ZFAND6: variants seen among roughly 807,000 people sequenced by gnomAD.
ZFAND6 encodes the protein zinc finger AN1-type containing 6.
ZFAND6 carries 12 observed loss-of-function variants against 24.5 expected under a neutral mutation model. The ratio of observed to expected loss-of-function variants is 0.49; its 90% CI spans 0.31 to 0.79. The LOEUF is 0.79. Ranked by LOEUF, ZFAND6 falls within the 30% of genes least tolerant of loss-of-function variation. The pLI is 0.04. For synonymous variants in ZFAND6, 92 were observed against 81.5 expected (o/e 1.13, Z -0.69); for missense variants, 207 against 245.9 (o/e 0.84, Z 1.06).
At chr15:80,091,160 G>GGTGTGTGTGTGTGTGTGT (rs61706731) in intron 1 of ZFAND6, among the ~76,000 whole-genome samples, 1 of 150,166 alleles carries the variant, frequency 6.7e-6, no homozygotes, top group African/African-American at 2.4e-5. Flanking sequence ...GTTGTTAAGG[G>GGTGTGTGTGTGTGTGTGT]GTGTGTGTGT....
chr15:80,131,785 G>T lies in ZFAND6; in HGVS notation c.478+492G>T, dbSNP rs191717954. ...TGCAGATGGTGGTGGGAGGGAGAAA[G>T]AAATGTTCAAAAGCATTTAGCAAAG... On this transcript the variant is annotated intron_variant, in intron 6 of 6. Transcript: ENST00000261749. Among the ~76,000 whole-genome samples, 70 of 152,314 alleles carry T rather than the reference G, an allele frequency of 4.6e-4. No homozygotes were observed. The South Asian group carries it at 0.013, about 29-fold the overall frequency.
In ZFAND6 at chr15:80,070,581, A is replaced by C. The variant is rs558236947; in HGVS notation, c.-181+10772A>C. 2.0e-5 allele frequency among the ~76,000 whole-genome samples: 3 copies of C among 152,286 alleles called. No homozygotes were observed. The East Asian group carries it at 5.8e-4, about 29-fold the overall frequency. On this transcript the variant is annotated intron_variant, in intron 1 of 6. Transcript: ENST00000261749. The stretch of plus-strand genomic sequence containing the variant: ...ATGTTCTTTCAAGCAGGTCCCAGAG[A>C]TCTTAAAATGATCCGGAATCACTGA...
chr15:80,059,263 C>A (rs1305489420), upstream of ZFAND6, among the ~76,000 whole-genome samples: 2 of 152,156 alleles, frequency 1.3e-5, no homozygotes, highest in Admixed American at 6.5e-5. Flanking sequence ...TGCCTCAGTC[C>A]AAGACAGGGA....
At chr15:80,065,808 G>A (rs975477937) in intron 1 of ZFAND6, among the ~76,000 whole-genome samples, 2 of 151,896 alleles carry the variant, frequency 1.3e-5, no homozygotes, top group Non-Finnish European at 2.9e-5. Context: ...GCCTCCCAAA[G>A]TGCTGGGATT....
chr15:80,097,098 C>G (rs1316853392), intron 1 of ZFAND6, among the ~76,000 whole-genome samples: 1 of 150,772 alleles, frequency 6.6e-6, no homozygotes, highest in East Asian at 2.0e-4. Context: ...CTCCCAGGTT[C>G]AAGTGATCCT....
intron 1 of ZFAND6, among the ~76,000 whole-genome samples, chr15:80,068,776 T>A (rs934460926): frequency 2.0e-5 from 3 of 152,252 alleles, no homozygotes; most frequent in African/African-American, 7.2e-5. Context: ...AATTTCAATG[T>A]GACTACTAGG....
At chr15:80,072,761 A>G (rs547945150) in intron 1 of ZFAND6, 2 of 152,038 alleles carry the variant, frequency 1.3e-5, no homozygotes, top group Admixed American at 1.3e-4. Context: ...CAAACTGAAC[A>G]CTAAAATTAA....
chr15:80,113,087 T>A (rs1196218738), intron 2 of ZFAND6, among the ~76,000 whole-genome samples: 1 of 152,230 alleles, frequency 6.6e-6, no homozygotes, highest in African/African-American at 2.4e-5. Flanking sequence ...GCATTCTTAT[T>A]TAACCAGACA....
intron 5 of ZFAND6, among the ~76,000 whole-genome samples, chr15:80,125,632 G>T (rs2040341427): frequency 1.3e-5 from 2 of 152,160 alleles, no homozygotes; most frequent in Admixed American, 1.3e-4. Context: ...TACTTACATA[G>T]TGTCACTCAG....
In ZFAND6 at chr15:80,059,724, G is replaced by C. The variant is rs1266179149; in HGVS notation, c.-266G>C. 1 of 152,580 alleles carries C rather than the reference G, an allele frequency of 6.6e-6. No homozygotes were observed. Among genetic ancestry groups the C allele is most frequent in the Non-Finnish European group, 1.5e-5 (1 of 68,396 alleles). The allele number at this position is 152,580 out of a possible 1,614,324, so 9.5% of individuals were successfully genotyped here. On this transcript the variant is annotated 5_prime_UTR_variant, in exon 1 of 7. Coordinates refer to ENST00000261749, the MANE Select transcript of ZFAND6 (RefSeq NM_019006.4). ...GGCGGTGGCGGAGCCGGAGCAAGCAGGGGTTCGGCGGCATTACCTGTACCC... is the reference window on the plus strand; with the variant it reads ...GGCGGTGGCGGAGCCGGAGCAAGCACGGGTTCGGCGGCATTACCTGTACCC...
chr15:80,113,055 G>C (rs912072698), intron 2 of ZFAND6, among the ~76,000 whole-genome samples: 2 of 147,988 alleles, frequency 1.4e-5, no homozygotes, highest in Non-Finnish European at 3.0e-5. Flanking sequence ...TTGCGGTGTC[G>C]TACTAGTTCA....
intron 1 of ZFAND6, among the ~76,000 whole-genome samples, chr15:80,068,327 T>A (rs1400323811): frequency 2.6e-5 from 4 of 151,492 alleles, no homozygotes; most frequent in Non-Finnish European, 5.9e-5. Flanking sequence ...TAAAAATTTT[T>A]AAAATTTTTT....
At chr15:80,059,319 C>T (rs1200606941), upstream of ZFAND6, among the ~76,000 whole-genome samples, 3 of 152,252 alleles carry the variant, frequency 2.0e-5, no homozygotes, top group African/African-American at 7.2e-5. Flanking sequence ...ACCTACATAA[C>T]CAAGCCCTTA....
intron 1 of ZFAND6, among the ~76,000 whole-genome samples, chr15:80,097,517 T>A (rs1279850458): frequency 6.6e-6 from 1 of 151,948 alleles, no homozygotes; most frequent in Admixed American, 6.6e-5. Context: ...GCGTGATGGT[T>A]GGGTGCCTGT....
At chr15:80,095,089 T>C (rs2038640541) in intron 1 of ZFAND6, among the ~76,000 whole-genome samples, 1 of 152,162 alleles carries the variant, frequency 6.6e-6, no homozygotes, top group Non-Finnish European at 1.5e-5. Context: ...ATTTTTTTTT[T>C]CCTGTCCAGA....
chr15:80,079,979 G>GT (rs1163928152), intron 1 of ZFAND6, among the ~76,000 whole-genome samples: 1 of 150,434 alleles, frequency 6.6e-6, no homozygotes, highest in African/African-American at 2.4e-5. Context: ...ATACACAACC[G>GT]TTTTTCTGTT....
intron 1 of ZFAND6, among the ~76,000 whole-genome samples, chr15:80,080,011 T>C (rs528128781): frequency 1.3e-5 from 2 of 151,698 alleles, no homozygotes; most frequent in East Asian, 3.9e-4. Context: ...TCTTTTTTTT[T>C]TCTTTGAGAT....
chr15:80,077,491 G>A (rs558455057), intron 1 of ZFAND6, among the ~76,000 whole-genome samples: 31 of 152,146 alleles, frequency 2.0e-4, no homozygotes, highest in African/African-American at 7.2e-4. Flanking sequence ...AGAAAAAGTA[G>A]CCTTTTTATT....
At chr15:80,100,138 G>A (rs2038957806) in intron 2 of ZFAND6, among the ~76,000 whole-genome samples, 2 of 152,228 alleles carry the variant, frequency 1.3e-5, no homozygotes, top group Non-Finnish European at 2.9e-5. Flanking sequence ...TTATAATCTT[G>A]TTTAATGATT....
Sources: gnomAD v4.1 joint callset for allele counts (sites outside exome capture counted in the v4.1 genomes callset) on GRCh38, gnomAD v4.1.1 for gene constraint, MANE v1.5 for transcripts, NCBI Gene and HGNC (gene_info 2026-07-23, HGNC 2026-07-21) for gene names.